The following SHC3 variants were observed in gnomAD, a reference collection of about 807,000 sequenced individuals.
SHC3 encodes SHC-transforming protein 3.
In SHC3, 15 loss-of-function variants were observed where a neutral mutation model predicts 60.4. The ratio of observed to expected loss-of-function variants is 0.25; its 90% CI spans 0.17 to 0.38. The LOEUF is 0.38. Among genes scored for constraint, SHC3 ranks in the 10% least tolerant of loss-of-function variants. The pLI, the probability that SHC3 is intolerant of heterozygous loss-of-function variation, is 1.00. For missense variants in SHC3, 677 were observed against 786.1 expected (o/e 0.86, Z 1.66); for synonymous variants, 294 against 325.9 (o/e 0.90, Z 1.05).
Position 89,038,108 on chromosome 9 carries a change from T to G in SHC3, c.1541A>C (p.Glu514Ala), listed in dbSNP as rs79508174. 6.2e-7 allele frequency: 1 copy of G among 1,614,098 alleles called. No individual in the cohort carries two copies. The highest frequency in any genetic ancestry group is 8.5e-7 in the Non-Finnish European group (1 of 1,180,010). The change falls in exon 11 of 12, where the codon GAG becomes GCG. Residue 514 changes from glutamate to alanine, a missense_variant. Glu to Ala is a moderately radical substitution (Grantham distance 107). Coordinates refer to ENST00000375835, the MANE Select transcript of SHC3 (RefSeq NM_016848.6). Reference protein sequence around the residue: ...MSRKEAEGLLEKDGDFLVRKS... With the variant: ...MSRKEAEGLLAKDGDFLVRKS... ...CCTGACCAGGAAGTCTCCGTCTTTC[T>G]CCAGCAGCCCCTCTGCCTCCTTCCT...
intron 6 of SHC3, among the ~76,000 whole-genome samples, chr9:89,062,464 G>A (rs1373539006): frequency 6.6e-6 from 1 of 152,210 alleles, no homozygotes; most frequent in East Asian, 1.9e-4. Context: ...AACTATAGAA[G>A]CCATGGATTC....
At chr9:89,075,474 C>G (rs887347433) in intron 3 of SHC3, among the ~76,000 whole-genome samples, 1 of 152,312 alleles carries the variant, frequency 6.6e-6, no homozygotes, top group African/African-American at 2.4e-5. Context: ...CTCTTGCAGG[C>G]AGGCAGAGGC....
chr9:89,147,574 C>A (rs576613770), intron 1 of SHC3, among the ~76,000 whole-genome samples: 1 of 152,038 alleles, frequency 6.6e-6, no homozygotes, highest in East Asian at 1.9e-4. Flanking sequence ...TATCATGTGG[C>A]CAAGAAAGCC....
chr9:89,150,119 C>G (rs1399657068), intron 1 of SHC3, among the ~76,000 whole-genome samples: 1 of 152,046 alleles, frequency 6.6e-6, no homozygotes, highest in Non-Finnish European at 1.5e-5. Flanking sequence ...GTCGTTAATC[C>G]CTTACTGTGA....
chr9:89,061,659 C>T (rs557331988), intron 6 of SHC3, among the ~76,000 whole-genome samples: 31 of 152,310 alleles, frequency 2.0e-4, no homozygotes, highest in African/African-American at 7.2e-4. Flanking sequence ...GTTTCAGTTA[C>T]CCATGGTCAA....
At chr9:89,107,412 C>A (rs1276100985) in intron 2 of SHC3, among the ~76,000 whole-genome samples, 2 of 152,180 alleles carry the variant, frequency 1.3e-5, no homozygotes, top group African/African-American at 2.4e-5. Flanking sequence ...GCCCATGAAG[C>A]CAACACGAGG....
At chr9:89,112,504 GAT>G in intron 2 of SHC3, 50 bp downstream of exon 2, 1 of 1,581,366 alleles carries the variant, frequency 6.3e-7, no homozygotes, top group Non-Finnish European at 8.6e-7. Flanking sequence ...TAATCTCTGA[GAT>G]CCTTCCTTCA....
At position 89,008,520 on chromosome 9, in the gene SHC3, G is replaced by C. The variant is rs763905358; in HGVS notation, c.*4927C>G. 1.7e-4 allele frequency: 26 copies of C among 152,276 alleles called. No homozygotes were observed. Among genetic ancestry groups the C allele is most frequent in the Admixed American group, 2.6e-4 (4 of 15,294 alleles). 9.4% of individuals were successfully genotyped at this position (152,276 alleles called of 1,614,324 possible). On this transcript the variant is annotated 3_prime_UTR_variant, in exon 12 of 12. Transcript: ENST00000375835. ...GGAGTCAGGAACTTGGCGGGGCCAGGGGGGTGGAAGGGCCTGCAATCTTTG... is the reference window on the plus strand; with the variant it reads ...GGAGTCAGGAACTTGGCGGGGCCAGCGGGGTGGAAGGGCCTGCAATCTTTG...
chr9:89,071,809 G>A (rs569983176), intron 4 of SHC3, among the ~76,000 whole-genome samples: 1 of 152,306 alleles, frequency 6.6e-6, no homozygotes, highest in Admixed American at 6.5e-5. Context: ...TCACCAGCTT[G>A]AAACAGCCTT....
At chr9:89,140,810 T>G (rs142980046) in intron 1 of SHC3, among the ~76,000 whole-genome samples, 2,075 of 152,266 alleles carry the variant, frequency 0.014, 26 homozygotes, top group Middle Eastern at 0.054. Context: ...CAGGTTCTCT[T>G]ATGTCGGCAT....
intron 1 of SHC3, among the ~76,000 whole-genome samples, chr9:89,133,274 A>C (rs1166123816): frequency 1.3e-5 from 2 of 152,212 alleles, no homozygotes; most frequent in South Asian, 4.1e-4. Context: ...GGTGCTAGAG[A>C]GGATGTGGAG....
At chr9:89,093,621 C>T (rs957749950) in intron 2 of SHC3, among the ~76,000 whole-genome samples, 1 of 145,358 alleles carries the variant, frequency 6.9e-6, no homozygotes, top group African/African-American at 2.5e-5. Flanking sequence ...CCAGCCAGCA[C>T]ATAGATGTGA....
chr9:89,077,245 T>C (rs1428000666), intron 3 of SHC3, among the ~76,000 whole-genome samples: 1 of 152,124 alleles, frequency 6.6e-6, no homozygotes, highest in East Asian at 1.9e-4. Context: ...TCCTAATTCT[T>C]TTGCTGCATT....
intron 1 of SHC3, among the ~76,000 whole-genome samples, chr9:89,151,391 T>C (rs78385596): frequency 0.057 from 8,750 of 152,268 alleles, 329 homozygotes; most frequent in Middle Eastern, 0.12. Flanking sequence ...GGCTCTGTCC[T>C]CATTAATGGG....
At chr9:89,124,289 A>T (rs1826132742) in intron 1 of SHC3, among the ~76,000 whole-genome samples, 1 of 152,074 alleles carries the variant, frequency 6.6e-6, no homozygotes. Context: ...GCGATTCCTC[A>T]AGGATCTAGA....
chr9:89,124,011 G>T (rs1467914086), intron 1 of SHC3, among the ~76,000 whole-genome samples: 1 of 151,992 alleles, frequency 6.6e-6, no homozygotes, highest in Admixed American at 6.6e-5. Flanking sequence ...TCATTCAATT[G>T]TAGCTAATAA....
chr9:89,165,684 C>T (rs1247184382), intron 1 of SHC3, among the ~76,000 whole-genome samples: 1 of 151,990 alleles, frequency 6.6e-6, no homozygotes, highest in African/African-American at 2.4e-5. Context: ...TGGGGGGTCT[C>T]AGATTTGGGG....
chr9:89,071,050 G>C (rs1217528491), intron 5 of SHC3, 149 bp downstream of exon 5: 2 of 638,506 alleles, frequency 3.1e-6, no homozygotes, highest in Non-Finnish European at 5.2e-6. Flanking sequence ...CGATGGCCAA[G>C]AAGATCTTCT....
At chr9:89,126,017 C>T (rs1038238503) in intron 1 of SHC3, among the ~76,000 whole-genome samples, 1 of 152,148 alleles carries the variant, frequency 6.6e-6, no homozygotes, top group Non-Finnish European at 1.5e-5. Flanking sequence ...GTGCGAGATC[C>T]AAGAACCCTC....
Sources: gnomAD v4.1 joint callset for allele counts (sites outside exome capture counted in the v4.1 genomes callset) on GRCh38, gnomAD v4.1.1 for gene constraint, MANE v1.5 for transcripts, NCBI Gene and HGNC (gene_info 2026-07-23, HGNC 2026-07-21) for gene names.